Variants in MCF2L2 observed in about 807,000 individuals in gnomAD.
MCF2L2 encodes probable guanine nucleotide exchange factor MCF2L2.
A neutral mutation model predicts 150.2 loss-of-function variants in MCF2L2; 102 were observed. The observed-to-expected ratio is 0.68, with a 90% confidence interval of 0.58 to 0.80. MCF2L2 has a LOEUF of 0.80. Among genes scored for constraint, MCF2L2 ranks in the 30% least tolerant of loss-of-function variants. MCF2L2 has a pLI of 0.00. For synonymous variants in MCF2L2, 465 were observed against 491.3 expected (o/e 0.95, Z 0.71); for missense variants, 1,256 against 1,372.8 (o/e 0.91, Z 1.34).
chr3:183,387,025 A>C (rs9861770), intron 2 of MCF2L2, among the ~76,000 whole-genome samples: 4 of 152,038 alleles, frequency 2.6e-5, no homozygotes, highest in Non-Finnish European at 5.9e-5. Context: ...GAAGACTGAG[A>C]TGGAAAGACT....
intron 27 of MCF2L2, chr3:183,192,577 A>AAGGGGTGTCC (rs1721935811): frequency 1.3e-5 from 2 of 156,152 alleles, no homozygotes; most frequent in Non-Finnish European, 2.8e-5. Context: ...CACCCTGGAC[A>AAGGGGTGTCC]AGGGGATAAT....
chr3:183,367,560 T>C (rs1712613254), intron 3 of MCF2L2, among the ~76,000 whole-genome samples: 1 of 152,156 alleles, frequency 6.6e-6, no homozygotes, highest in Non-Finnish European at 1.5e-5. Flanking sequence ...AATCAACCTA[T>C]AGTCAGACAA....
chr3:183,239,281 C>T (rs1057287302), intron 15 of MCF2L2, among the ~76,000 whole-genome samples: 33 of 152,044 alleles, frequency 2.2e-4, no homozygotes, highest in African/African-American at 7.2e-4. Flanking sequence ...AGACGCCGCC[C>T]TTAGCTCATT....
chr3:183,191,873 C>T (rs766799602), intron 27 of MCF2L2, among the ~76,000 whole-genome samples: 2 of 151,994 alleles, frequency 1.3e-5, no homozygotes, highest in Non-Finnish European at 2.9e-5. Flanking sequence ...CAGAGTCTCG[C>T]TCTGTTGCCC....
Position 183,206,225 on chromosome 3 carries a change from G to A in MCF2L2, c.2713-11C>T. The A allele has an allele frequency of 3.8e-6, 6 of 1,597,398 alleles. No individual in the cohort carries two copies. Among genetic ancestry groups the A allele is most frequent in the Non-Finnish European group, 5.2e-6 (6 of 1,164,774 alleles). On this transcript the variant is annotated splice_polypyrimidine_tract_variant and intron_variant, in intron 23 of 29. Transcript: ENST00000328913. ...TGAAAGTGTCATCAGCTATTATAAA[G>A]AGGGAAGAGAAATGTTCTATACCAT... is the stretch of plus-strand genomic sequence containing the variant.
Position 183,276,900 on chromosome 3 carries a change from C to A in MCF2L2, c.1834G>T (p.Ala612Ser), listed in dbSNP as rs1414640729. The change falls in exon 15 of 30, where the codon GCC (alanine) becomes TCC (serine). Residue 612 changes from alanine to serine, a missense_variant. Transcript: ENST00000328913. ...ERGNPELEQQ[A>S]RLGDLSPRRR... Reference sequence around the variant, plus strand: ...CGGGGGGAAAGGTCTCCGAGCCTGGCCTGCTGCTCCAGCTCAGGGTTCCCC... The same window carrying A: ...CGGGGGGAAAGGTCTCCGAGCCTGGACTGCTGCTCCAGCTCAGGGTTCCCC... The A allele has an allele frequency of 6.2e-7, 1 of 1,611,062 alleles. No individual in the cohort carries two copies. The highest frequency in any genetic ancestry group is 1.7e-5 in the Admixed American group (1 of 59,800).
rs149581271 is a variant in MCF2L2 at position 183,299,759 on chromosome 3, C to A, written c.1305+246G>T. 3.0e-3 allele frequency: 1,354 copies of A among 453,720 alleles called. 7 individuals are homozygous for A. The Middle Eastern group carries it at 0.034, about 11-fold the overall frequency. 28.1% of individuals were successfully genotyped at this position (453,720 alleles called of 1,614,324 possible). On this transcript the variant is annotated intron_variant, in intron 11 of 29. Coordinates refer to ENST00000328913, the MANE Select transcript of MCF2L2 (RefSeq NM_015078.4). ...CACACTCTTAAAGTCCGGCTCCACA[C>A]AGATAGAAATGGGCTTCAGTTAACT...
chr3:183,180,195 G>A (rs1160361922), intron 27 of MCF2L2, 36 bp from the exon 28 acceptor site: 4 of 1,383,106 alleles, frequency 2.9e-6, no homozygotes, highest in African/African-American at 1.4e-5. Flanking sequence ...GGCCTCTGTG[G>A]GGTGGGAGGA....
Position 183,412,513 on chromosome 3 carries a change from G to C in MCF2L2, c.76+15389C>G, listed in dbSNP as rs1715367316. Among the ~76,000 whole-genome samples the C allele has an allele frequency of 2.6e-5, 4 of 151,890 alleles. No individual in the cohort carries two copies. In the East Asian group the frequency reaches 7.7e-4, roughly 29 times the overall value. On this transcript the variant is annotated intron_variant, in intron 1 of 29. Coordinates refer to ENST00000328913, the MANE Select transcript of MCF2L2 (RefSeq NM_015078.4). ...GGGGTTTCACCATGTTGGCCAACCT[G>C]GTCTCAAACTCCTGACCTCAAGTGA...
rs61658507 is a variant in MCF2L2 at position 183,208,895 on chromosome 3, G to A, written c.2497-1072C>T. Among the ~76,000 whole-genome samples, 421 of 152,298 alleles carry A rather than the reference G, an allele frequency of 2.8e-3. 2 individuals carry two copies. The highest frequency in any genetic ancestry group is 9.9e-3 in the African/African-American group (412 of 41,576). ...TGACTTTACTTCTGAAACATTAAAA[G>A]AAAAACTTCAAGAGCAATAAACTCT... On this transcript the variant is annotated intron_variant, in intron 22 of 29. Coordinates refer to ENST00000328913, the MANE Select transcript of MCF2L2 (RefSeq NM_015078.4).
chr3:183,208,936 G>A (rs1242924096), intron 22 of MCF2L2, among the ~76,000 whole-genome samples: 1 of 152,192 alleles, frequency 6.6e-6, no homozygotes, highest in Non-Finnish European at 1.5e-5. Context: ...TTTCTATGGT[G>A]TCTATGGCGT....
intron 5 of MCF2L2, among the ~76,000 whole-genome samples, chr3:183,325,418 C>G (rs1220864783): frequency 6.6e-6 from 1 of 152,128 alleles, no homozygotes; most frequent in African/African-American, 2.4e-5. Context: ...TCCTCCACTT[C>G]TGAAAATGGT....
At chr3:183,223,156 T>C (rs1435627880) in intron 20 of MCF2L2, among the ~76,000 whole-genome samples, 190 bp downstream of exon 20, 2 of 152,210 alleles carry the variant, frequency 1.3e-5, no homozygotes, top group African/African-American at 4.8e-5. Flanking sequence ...CCTCCAACTC[T>C]ATGATTCTTT....
chr3:183,407,211 G>C (rs986520569), intron 1 of MCF2L2, among the ~76,000 whole-genome samples: 2 of 152,036 alleles, frequency 1.3e-5, no homozygotes, highest in Non-Finnish European at 2.9e-5. Context: ...CTGCTCCATT[G>C]ATCTATATGT....
intron 15 of MCF2L2, among the ~76,000 whole-genome samples, chr3:183,262,543 C>T (rs1725709500): frequency 6.6e-6 from 1 of 152,070 alleles, no homozygotes; most frequent in Non-Finnish European, 1.5e-5. Flanking sequence ...AAATAAGTGG[C>T]TCCCTTGTCT....
At chr3:183,366,348 ATTTATTTACCGG>A (rs948613134) in intron 3 of MCF2L2, among the ~76,000 whole-genome samples, 1 of 152,172 alleles carries the variant, frequency 6.6e-6, no homozygotes, top group Non-Finnish European at 1.5e-5. Flanking sequence ...TACTGTTAAG[ATTTATTTACCGG>A]CTGGGCGCGG....
In MCF2L2 at chr3:183,270,489, A is replaced by C; in HGVS notation, c.1862+6383T>G. 6.2e-7 allele frequency: 1 copy of C among 1,614,194 alleles called. No individual in the cohort carries two copies. Among genetic ancestry groups the C allele is most frequent in the Non-Finnish European group, 8.5e-7 (1 of 1,180,030 alleles). The stretch of plus-strand genomic sequence containing the variant: ...TGTTCATCGTGGTGCCCCTCCCATT[A>C]GAGATAAAAGCAGCAAATACTACGT... On this transcript the variant is annotated intron_variant, in intron 15 of 29. Transcript: ENST00000328913. The surrounding 1 kb of genome is among the most constrained non-coding windows in gnomAD (Gnocchi z 4.5).
At chr3:183,347,393 A>T (rs907890797) in intron 3 of MCF2L2, among the ~76,000 whole-genome samples, 1 of 152,216 alleles carries the variant, frequency 6.6e-6, no homozygotes, top group African/African-American at 2.4e-5. Context: ...TACAACTTAT[A>T]CAAAAATTAA....
At chr3:183,377,972 C>T (rs994220235) in intron 3 of MCF2L2, 1 of 152,050 alleles carries the variant, frequency 6.6e-6, no homozygotes, top group South Asian at 2.1e-4. Flanking sequence ...TGAAGAAATG[C>T]ATTCAAAATA....
Sources: gnomAD v4.1 joint callset for allele counts (sites outside exome capture counted in the v4.1 genomes callset) on GRCh38, gnomAD v4.1.1 for gene constraint, Gnocchi (gnomAD v3.1) non-coding constraint, MANE v1.5 for transcripts, NCBI Gene and HGNC (gene_info 2026-07-23, HGNC 2026-07-21) for gene names.